CRADD: variants seen among roughly 807,000 people sequenced by gnomAD.
CRADD encodes death domain-containing protein CRADD.
CRADD carries 9 observed loss-of-function variants against 15.5 expected under a neutral mutation model. The observed-to-expected ratio is 0.58, with a 90% CI of 0.35 to 1.01. The LOEUF is 1.01. Ranked by LOEUF, CRADD falls within the 50% of genes least tolerant of loss-of-function variation. The probability of loss-of-function intolerance (pLI) is 0.02; values close to 1 mark genes in which losing one functional copy is unlikely to be tolerated. For synonymous variants in CRADD, 118 were observed against 107.6 expected, an observed-to-expected ratio of 1.10 and a Z score of -0.60; for missense variants, 227 against 250.3, an observed-to-expected ratio of 0.91 and a Z score of 0.63.
intron 2 of CRADD, among the ~76,000 whole-genome samples, chr12:93,832,305 G>A (rs938465432): frequency 4.6e-5 from 7 of 152,086 alleles, no homozygotes; most frequent in African/African-American, 1.7e-4. Flanking sequence ...ATTTTGCTTG[G>A]TAAATTTGCG....
At chr12:93,839,177 C>G (rs1958019026) in intron 2 of CRADD, among the ~76,000 whole-genome samples, 1 of 152,256 alleles carries the variant, frequency 6.6e-6, no homozygotes, top group African/African-American at 2.4e-5. Context: ...TGCCAGTATT[C>G]CCTATGTGCT....
At chr12:93,706,256 A>G (rs1955949086) in intron 2 of CRADD, among the ~76,000 whole-genome samples, 1 of 152,186 alleles carries the variant, frequency 6.6e-6, no homozygotes, top group Non-Finnish European at 1.5e-5. Flanking sequence ...CCATGCCCTT[A>G]GCTTTCAGGG....
chr12:93,767,607 A>G (rs1011639676), intron 2 of CRADD, among the ~76,000 whole-genome samples: 2 of 152,144 alleles, frequency 1.3e-5, no homozygotes, highest in African/African-American at 4.8e-5. Context: ...CAGATGAGAA[A>G]CCTAAGTTTT....
rs992389614 is a variant in CRADD, at chr12:93,850,023, C to G, written c.352C>G (p.Arg118Gly). 6.2e-7 allele frequency: 1 copy of G among 1,610,846 alleles called. No homozygotes were observed. The highest frequency in any genetic ancestry group is 2.2e-5 in the East Asian group (1 of 44,872). Residue 118 changes from arginine (R) to glycine (G), a missense_variant, in exon 3 of 3, where the codon CGG becomes GGG. Arg to Gly is a moderately radical substitution (Grantham distance 125). Coordinates refer to ENST00000332896, the MANE Select transcript of CRADD (RefSeq NM_003805.5). The surrounding 1 kb of genome is among the most constrained non-coding windows in gnomAD (Gnocchi z 4.0). ...CATCCTCAACAGCTCCCCATCAGACCGGCAGATTAACCAGCTGGCCCAGAG... is the reference window on the plus strand; with the variant it reads ...CATCCTCAACAGCTCCCCATCAGACGGGCAGATTAACCAGCTGGCCCAGAG... ...SHILNSSPSD[R>G]QINQLAQRLG...
intron 2 of CRADD, among the ~76,000 whole-genome samples, chr12:93,721,838 A>G (rs61175277): frequency 5.6e-4 from 85 of 152,340 alleles, no homozygotes; most frequent in African/African-American, 1.5e-3. Context: ...AACCAAATAC[A>G]TTGTTGCCAT....
chr12:93,847,869 T>A (rs532527636), intron 2 of CRADD, among the ~76,000 whole-genome samples: 5 of 152,224 alleles, frequency 3.3e-5, no homozygotes, highest in African/African-American at 1.2e-4. Context: ...TTAAATTGTG[T>A]GTGTGTATGT....
chr12:93,726,897 T>C (rs563526002), intron 2 of CRADD, among the ~76,000 whole-genome samples: 13 of 152,344 alleles, frequency 8.5e-5, no homozygotes, highest in African/African-American at 3.1e-4. Context: ...CTTTGGCATT[T>C]GGCCGTCTCA....
chr12:93,893,906 GAA>G (rs111825675), intron 2 of CRADD: 563 of 505,596 alleles, frequency 1.1e-3, no homozygotes, highest in South Asian at 2.4e-3. Context: ...TCTCAAAAAA[GAA>G]AAAAAAAAAA....
rs778527306 is a variant in CRADD, at chr12:93,678,827, C to T, written c.53C>T (p.Ala18Val). 1 of 1,614,128 alleles carries T rather than the reference C, an allele frequency of 6.2e-7. No individual in the cohort carries two copies. Among genetic ancestry groups the T allele is most frequent in the Admixed American group, 1.7e-5 (1 of 60,022 alleles). ...VLRSLRLELG[A>V]EVLVEGLVLQ... is the part of the protein sequence containing the mutation. Reference sequence around the variant, plus strand: ...CGCTCACTTCGCCTGGAGCTGGGTGCAGAGGTATTGGTGGAGGGACTGGTT... The same window carrying T: ...CGCTCACTTCGCCTGGAGCTGGGTGTAGAGGTATTGGTGGAGGGACTGGTT... The change falls in exon 2 of 3, where the codon GCA becomes GTA. Residue 18 changes from alanine to valine, a missense_variant. Physicochemically the swap from Ala to Val is moderately conservative, Grantham distance 64 (BLOSUM62 0). Transcript: ENST00000332896.
chr12:93,890,025 C>T (rs957807817), intron 2 of CRADD, among the ~76,000 whole-genome samples: 4 of 152,218 alleles, frequency 2.6e-5, no homozygotes, highest in Non-Finnish European at 5.9e-5. Flanking sequence ...ATACTCAGCC[C>T]GGGCCTCCGA....
At chr12:93,815,796 A>G (rs1242549397) in intron 2 of CRADD, 2 of 152,210 alleles carry the variant, frequency 1.3e-5, no homozygotes, top group Non-Finnish European at 2.9e-5. Context: ...TGCTGTGATC[A>G]TTGGGAGGGG....
At chr12:93,883,246 C>G (rs1419029067) in intron 2 of CRADD, among the ~76,000 whole-genome samples, 1 of 152,208 alleles carries the variant, frequency 6.6e-6, no homozygotes, top group African/African-American at 2.4e-5. Context: ...TTAGACTTCT[C>G]TTTTATTTCC....
At chr12:93,753,514 A>T (rs141520081) in intron 2 of CRADD, among the ~76,000 whole-genome samples, 2 of 152,348 alleles carry the variant, frequency 1.3e-5, no homozygotes, top group South Asian at 2.1e-4. Context: ...CCTTCCGCTT[A>T]TGAGCCTGTA....
At chr12:93,852,681 G>A (rs547340054), downstream of CRADD, among the ~76,000 whole-genome samples, 29 of 152,322 alleles carry the variant, frequency 1.9e-4, no homozygotes, top group Non-Finnish European at 2.1e-4. Context: ...AGCCTGCAGG[G>A]ATTTCCTGTG....
chr12:93,826,175 G>T (rs1957821164), intron 2 of CRADD, among the ~76,000 whole-genome samples: 2 of 152,206 alleles, frequency 1.3e-5, no homozygotes, highest in South Asian at 4.1e-4. Context: ...TCCTTCTCAA[G>T]CCAAGGCTGA....
chr12:93,736,226 A>G (rs1956566462), intron 2 of CRADD, among the ~76,000 whole-genome samples: 1 of 152,188 alleles, frequency 6.6e-6, no homozygotes, highest in Non-Finnish European at 1.5e-5. Context: ...ATGGCAATTG[A>G]GCTAGATTTG....
At position 93,726,546 on chromosome 12, in the gene CRADD, G is replaced by A. The variant is rs190931113; in HGVS notation, c.298+47474G>A. 1.2e-4 allele frequency among the ~76,000 whole-genome samples: 19 copies of A among 152,240 alleles called. No individual in the cohort carries two copies. In the East Asian group the frequency reaches 3.5e-3, roughly 28 times the overall value. On this transcript the variant is annotated intron_variant, in intron 2 of 2. Coordinates refer to ENST00000332896, the MANE Select transcript of CRADD (RefSeq NM_003805.5). ...CTTGCTTTTTACATTAGAGAAGGAA[G>A]CTTTACTAGTACTCTACTTGGAGGG...
intron 2 of CRADD, among the ~76,000 whole-genome samples, chr12:93,679,813 T>C (rs1400717037): frequency 6.6e-6 from 1 of 151,960 alleles, no homozygotes; most frequent in Non-Finnish European, 1.5e-5. Flanking sequence ...CTGGAAAAGG[T>C]CAGATTCATG....
chr12:93,858,418 A>G (rs1958292099), intron 2 of CRADD, among the ~76,000 whole-genome samples: 1 of 152,204 alleles, frequency 6.6e-6, no homozygotes, highest in African/African-American at 2.4e-5. Flanking sequence ...AGTTCCTACA[A>G]CCCAAAAGGG....
Sources: allele counts gnomAD v4.1 joint callset (sites outside exome capture counted in the v4.1 genomes callset), GRCh38; gene constraint gnomAD v4.1.1; non-coding constraint Gnocchi (gnomAD v3.1); transcripts MANE v1.5; gene names NCBI Gene and HGNC (gene_info 2026-07-23, HGNC 2026-07-21).